MACROD2: variants seen among roughly 807,000 people sequenced by gnomAD.
MACROD2 encodes ADP-ribose glycohydrolase MACROD2.
A neutral mutation model predicts 70.4 loss-of-function variants in MACROD2; 36 were observed. That is an observed-to-expected ratio of 0.51 (90% confidence interval 0.39 to 0.68). The LOEUF (loss-of-function observed/expected upper bound fraction) is 0.68, where lower values mean the gene tolerates loss of function less well. MACROD2 is among the 30% of genes least tolerant of loss of function. MACROD2 has a pLI of 0.00. For synonymous variants in MACROD2, 172 were observed against 178.8 expected (o/e 0.96, Z 0.30); for missense variants, 496 against 538.4 (o/e 0.92, Z 0.78).
intron 5 of MACROD2, among the ~76,000 whole-genome samples, chr20:14,885,806 C>T (rs993623484): frequency 2.6e-5 from 4 of 152,322 alleles, no homozygotes; most frequent in South Asian, 2.1e-4. Flanking sequence ...ATAATTCAGT[C>T]GCATTCTTTA....
intron 12 of MACROD2, among the ~76,000 whole-genome samples, chr20:15,951,352 A>AC (rs1414285468): frequency 7.0e-4 from 64 of 91,918 alleles, no homozygotes; most frequent in Non-Finnish European, 1.1e-3. Flanking sequence ...CACACACACA[A>AC]AGAGAGAGAG....
intron 5 of MACROD2, among the ~76,000 whole-genome samples, chr20:14,966,936 T>C (rs1339026789): frequency 6.6e-6 from 1 of 151,928 alleles, no homozygotes; most frequent in African/African-American, 2.4e-5. Context: ...CATGAGCAAT[T>C]ACATTCACAT....
chr20:14,053,799 T>C (rs1017310459), intron 2 of MACROD2: 13 of 152,172 alleles, frequency 8.5e-5, no homozygotes, highest in Admixed American at 6.5e-4. Flanking sequence ...CTTTTTGTGA[T>C]GCGTAATCAT....
chr20:14,617,437 T>G (rs1983547251), intron 4 of MACROD2, among the ~76,000 whole-genome samples: 1 of 152,106 alleles, frequency 6.6e-6, no homozygotes, highest in Non-Finnish European at 1.5e-5. Flanking sequence ...TTCTGCTCTC[T>G]CAGTGGTGAA....
intron 5 of MACROD2, among the ~76,000 whole-genome samples, chr20:15,116,453 A>G (rs1363869448): frequency 2.0e-5 from 3 of 152,090 alleles, no homozygotes; most frequent in African/African-American, 7.2e-5. Context: ...CACCAGCCTG[A>G]TCAACATAGA....
chr20:15,914,485 A>G (rs2065283514), intron 10 of MACROD2, among the ~76,000 whole-genome samples: 1 of 152,218 alleles, frequency 6.6e-6, no homozygotes, highest in South Asian at 2.1e-4. Context: ...ATTGCCTTAT[A>G]TAAAAAGTGA....
At chr20:15,012,996 G>A (rs1341647611) in intron 5 of MACROD2, among the ~76,000 whole-genome samples, 5 of 152,294 alleles carry the variant, frequency 3.3e-5, no homozygotes. Context: ...AGCGTTACAG[G>A]GAGGGAAAAG....
intron 6 of MACROD2, among the ~76,000 whole-genome samples, chr20:15,297,608 C>T (rs1387915938): frequency 6.6e-6 from 1 of 152,138 alleles, no homozygotes; most frequent in Admixed American, 6.5e-5. Flanking sequence ...ATTCTCCATC[C>T]CATCCCATCC....
At chr20:15,503,022 G>A (rs2047383364) in intron 8 of MACROD2, among the ~76,000 whole-genome samples, 1 of 152,066 alleles carries the variant, frequency 6.6e-6, no homozygotes, top group South Asian at 2.1e-4. Context: ...AGGCACCCAG[G>A]GACTAAGTTC....
chr20:14,726,171 C>G (rs1431305118), intron 5 of MACROD2, among the ~76,000 whole-genome samples: 1 of 152,114 alleles, frequency 6.6e-6, no homozygotes, highest in African/African-American at 2.4e-5. Flanking sequence ...TCCTTATATT[C>G]TTGTTTGAAA....
intron 3 of MACROD2, among the ~76,000 whole-genome samples, chr20:14,485,545 C>CA (rs1471489998): frequency 6.0e-4 from 91 of 151,710 alleles, no homozygotes; most frequent in Middle Eastern, 3.4e-3. Flanking sequence ...ACTAAAAATA[C>CA]AAAAAATTAG....
intron 5 of MACROD2, among the ~76,000 whole-genome samples, chr20:15,032,141 A>G (rs949941819): frequency 8.5e-5 from 13 of 152,262 alleles, no homozygotes; most frequent in Admixed American, 4.6e-4. Flanking sequence ...ACTGGGAGTG[A>G]GGAGAGGCCG....
At chr20:15,122,446 T>C (rs913651638) in intron 5 of MACROD2, among the ~76,000 whole-genome samples, 5 of 152,212 alleles carry the variant, frequency 3.3e-5, no homozygotes, top group Non-Finnish European at 7.3e-5. Context: ...GAATATTTGT[T>C]GCCTTGACAT....
chr20:14,169,550 T>G (rs2081201250), intron 3 of MACROD2, among the ~76,000 whole-genome samples: 1 of 152,126 alleles, frequency 6.6e-6, no homozygotes, highest in South Asian at 2.1e-4. Context: ...GTGATCCGCC[T>G]GCCTCAGCCT....
intron 3 of MACROD2, among the ~76,000 whole-genome samples, chr20:14,341,965 C>G (rs1405278301): frequency 1.3e-5 from 2 of 152,212 alleles, no homozygotes; most frequent in Admixed American, 1.3e-4. Context: ...TAGGCAATAA[C>G]AGTTCCACAT....
At chr20:15,477,487 G>A (rs1408137839) in intron 7 of MACROD2, among the ~76,000 whole-genome samples, 1 of 151,910 alleles carries the variant, frequency 6.6e-6, no homozygotes, top group Admixed American at 6.6e-5. Flanking sequence ...AATTTGACGG[G>A]TATGTGCGAG....
chr20:15,400,363 T>C (rs538352828), intron 6 of MACROD2, among the ~76,000 whole-genome samples: 1 of 152,262 alleles, frequency 6.6e-6, no homozygotes, highest in South Asian at 2.1e-4. Context: ...TCTGAAAGCA[T>C]CCACTGACCC....
chr20:15,927,596 G>T (rs2065509802), intron 10 of MACROD2, among the ~76,000 whole-genome samples: 1 of 152,038 alleles, frequency 6.6e-6, no homozygotes, highest in Non-Finnish European at 1.5e-5. Flanking sequence ...AGCGTGTAAA[G>T]GCCTGGTGCA....
intron 4 of MACROD2, among the ~76,000 whole-genome samples, chr20:14,581,474 G>T (rs375192266): frequency 6.6e-6 from 1 of 152,228 alleles, no homozygotes. Flanking sequence ...AAAACACACT[G>T]TAGCATGACT....
Sources: allele counts gnomAD v4.1 joint callset (sites outside exome capture counted in the v4.1 genomes callset), GRCh38; gene constraint gnomAD v4.1.1; transcripts MANE v1.5; gene names NCBI Gene and HGNC (gene_info 2026-07-23, HGNC 2026-07-21).